Variants in FAT3 observed in about 807,000 individuals in gnomAD.
FAT3 encodes FAT atypical cadherin 3.
FAT3 carries 95 observed loss-of-function variants against 310.2 expected under a neutral mutation model. That is an observed-to-expected ratio of 0.31 (90% confidence interval 0.26 to 0.36). The LOEUF (loss-of-function observed/expected upper bound fraction) is 0.36. FAT3 is among the 10% of genes least tolerant of loss of function. The pLI, the probability that FAT3 is intolerant of heterozygous loss-of-function variation, is 1.00. For missense variants in FAT3, 5,408 were observed against 5,715.6 expected (o/e 0.95, Z 1.74); for synonymous variants, 2,314 against 2,192.9 (o/e 1.06, Z -1.54).
At chr11:92,606,461 A>G (rs548983409) in intron 3 of FAT3, among the ~76,000 whole-genome samples, 29 of 152,162 alleles carry the variant, frequency 1.9e-4, no homozygotes, top group Non-Finnish European at 3.7e-4. Context: ...CAGCTCAGGC[A>G]TGCTGGAGAG....
In FAT3 at chr11:92,799,615, T is replaced by G; in HGVS notation, c.6602T>G (p.Met2201Arg). The change falls in exon 10 of 28, where the codon ATG becomes AGG. Residue 2201 changes from methionine (M) to arginine (R), a missense_variant. Physicochemically the swap from Met to Arg is moderately conservative, Grantham distance 91. Transcript: ENST00000525166. ...YTASVNEDIRMNTPILSINAT... is the reference protein window; with the variant it reads ...YTASVNEDIRRNTPILSINAT... ...GCATCTGTCAATGAAGACATCAGAA[T>G]GAACACACCCATCCTAAGCATCAAT... 6.2e-7 allele frequency: 1 copy of G among 1,613,812 alleles called. No homozygotes were observed. The highest frequency in any genetic ancestry group is 8.5e-7 in the Non-Finnish European group (1 of 1,179,828).
Position 92,352,719 on chromosome 11 carries a change from C to T in FAT3, c.607C>T (p.Leu203Phe), listed in dbSNP as rs1038730005. The T allele has an allele frequency of 6.2e-7, 1 of 1,613,820 alleles. No individual in the cohort carries two copies. The highest frequency in any genetic ancestry group is 8.5e-7 in the Non-Finnish European group (1 of 1,179,866). Reference sequence around the variant, plus strand: ...CTACTACTTTAAAAATAAAGTTGATCTCTTTTCAGTTCACCCCACGAGTGG... The same window carrying T: ...CTACTACTTTAAAAATAAAGTTGATTTCTTTTCAGTTCACCCCACGAGTGG... ...FYYYFKNKVDLFSVHPTSGVI... is the reference protein window; with the variant it reads ...FYYYFKNKVDFFSVHPTSGVI... The change falls in exon 2 of 28, where the codon CTC (leucine) becomes TTC (phenylalanine). Residue 203 changes from leucine (L) to phenylalanine (F), a missense_variant. Physicochemically the swap from Leu to Phe is conservative, Grantham distance 22 (BLOSUM62 0). Around this residue, in one of 5 missense-constraint regions of FAT3, gnomAD observed 4,588 missense variants for 4,809.8 expected, o/e 0.95. Transcript: ENST00000525166.
chr11:92,524,927 T>C lies in FAT3; in HGVS notation c.3586T>C (p.Phe1196Leu). 6.2e-7 allele frequency: 1 copy of C among 1,613,662 alleles called. No individual in the cohort carries two copies. The highest frequency in any genetic ancestry group is 8.5e-7 in the Non-Finnish European group (1 of 1,179,696). ...RITSGNPQNF[F>L]AINIKTGLIT... Reference sequence around the variant, plus strand: ...TACAAGTGGAAATCCTCAGAATTTTTTTGCCATCAATATCAAAACAGGTAA... The same window carrying C: ...TACAAGTGGAAATCCTCAGAATTTTCTTGCCATCAATATCAAAACAGGTAA... The change falls in exon 3 of 28, where the codon TTT (phenylalanine) becomes CTT (leucine). Residue 1196 changes from phenylalanine (F) to leucine (L), a missense_variant. By Grantham distance (22) the Phe-to-Leu change is conservative. Coordinates refer to ENST00000525166, the MANE Select transcript of FAT3 (RefSeq NM_001367949.2).
Position 92,867,546 on chromosome 11 carries a change from C to T in FAT3, c.12127+337C>T, listed in dbSNP as rs545858788. ...AATGGAACCCCCTTTTAAATATGCC[C>T]TCATGAGCCACCTGCATGTCACTGC... On this transcript the variant is annotated intron_variant, in intron 22 of 27. Coordinates refer to ENST00000525166, the MANE Select transcript of FAT3 (RefSeq NM_001367949.2). 2.0e-5 allele frequency among the ~76,000 whole-genome samples: 3 copies of T among 152,262 alleles called. No individual in the cohort carries two copies. The East Asian group carries it at 5.8e-4, about 30-fold the overall frequency.
chr11:92,827,754 A>G (rs545084114), intron 13 of FAT3, among the ~76,000 whole-genome samples: 7 of 152,232 alleles, frequency 4.6e-5, no homozygotes, highest in African/African-American at 1.7e-4. Flanking sequence ...TGTATGTGCT[A>G]TTTTCTTTCT....
intron 4 of FAT3, among the ~76,000 whole-genome samples, chr11:92,746,742 A>G (rs1454601928): frequency 6.6e-6 from 1 of 152,154 alleles, no homozygotes; most frequent in Non-Finnish European, 1.5e-5. Context: ...AGGTAAATAT[A>G]CCCATTCCAA....
intron 2 of FAT3, among the ~76,000 whole-genome samples, chr11:92,412,730 T>TATATATATAC (rs1555038573): frequency 4.4e-5 from 1 of 22,886 alleles, no homozygotes. Context: ...TATATATATA[T>TATATATATAC]ATATATATAT....
chr11:92,840,489 T>C (rs1359099876), intron 17 of FAT3, 73 bp from the exon 18 acceptor site: 2 of 1,332,140 alleles, frequency 1.5e-6, no homozygotes, highest in East Asian at 5.0e-5. Flanking sequence ...TTGATTTGTT[T>C]TGTTTTGTTT....
chr11:92,705,323 G>T (rs1409994224), intron 4 of FAT3, among the ~76,000 whole-genome samples: 1 of 151,136 alleles, frequency 6.6e-6, no homozygotes, highest in African/African-American at 2.4e-5. Flanking sequence ...TGGTGGTGAT[G>T]GTGGTGGTGT....
At chr11:92,362,680 A>G (rs770891181) in intron 2 of FAT3, among the ~76,000 whole-genome samples, 2 of 152,158 alleles carry the variant, frequency 1.3e-5, no homozygotes, top group African/African-American at 4.8e-5. Flanking sequence ...TAAATAGTCT[A>G]TTTATTAAAT....
intron 3 of FAT3, among the ~76,000 whole-genome samples, chr11:92,635,413 G>C (rs1255206097): frequency 6.6e-6 from 1 of 152,102 alleles, no homozygotes; most frequent in Non-Finnish European, 1.5e-5. Flanking sequence ...TTAATCTCTA[G>C]TACAATGAAA....
intron 1 of FAT3, among the ~76,000 whole-genome samples, chr11:92,250,740 A>G (rs973083130): frequency 9.2e-5 from 14 of 152,088 alleles, no homozygotes; most frequent in Non-Finnish European, 1.5e-5. Context: ...AAAGAGAAAA[A>G]CAATTGAGGC....
chr11:92,542,277 G>A (rs144500546), intron 3 of FAT3, among the ~76,000 whole-genome samples: 2 of 152,126 alleles, frequency 1.3e-5, no homozygotes, highest in African/African-American at 2.4e-5. Flanking sequence ...ATTGGTTTGG[G>A]CAAAGAATTT....
intron 3 of FAT3, among the ~76,000 whole-genome samples, chr11:92,689,146 A>G (rs1171145992): frequency 6.6e-6 from 1 of 152,198 alleles, no homozygotes; most frequent in African/African-American, 2.4e-5. Context: ...GCCCAAGGAC[A>G]TGCAGCTGCC....
intron 6 of FAT3, chr11:92,766,551 A>C (rs528165103): frequency 6.6e-6 from 1 of 152,380 alleles, no homozygotes; most frequent in East Asian, 1.9e-4. Flanking sequence ...CTGAACTTCC[A>C]AAAAAGCAAA....
intron 1 of FAT3, among the ~76,000 whole-genome samples, chr11:92,315,036 C>T (rs1379606399): frequency 6.6e-6 from 1 of 151,844 alleles, no homozygotes. Context: ...TTAATTACAA[C>T]CTTCACGGGC....
In FAT3 at chr11:92,373,760, GCACACACA is replaced by G. The variant is rs57651290; in HGVS notation, c.3292+18399_3292+18406del. On this transcript the variant is annotated intron_variant, in intron 2 of 27. Coordinates refer to ENST00000525166, the MANE Select transcript of FAT3 (RefSeq NM_001367949.2). ...AGACAGAACCAGTGGAGATATGTAT[GCACACACA>G]CACACACACACACACACACACACAC... is the stretch of plus-strand genomic sequence containing the variant. Among the ~76,000 whole-genome samples the G allele has an allele frequency of 6.7e-3, 877 of 130,044 alleles. 11 individuals carry two copies. Among genetic ancestry groups the G allele is most frequent in the African/African-American group, 0.018 (677 of 37,116 alleles). The allele number at this position is 130,044 out of a possible 152,430, so 85.3% of individuals were successfully genotyped here.
chr11:92,331,753 A>G (rs965882037), intron 1 of FAT3, among the ~76,000 whole-genome samples: 2 of 152,222 alleles, frequency 1.3e-5, no homozygotes, highest in South Asian at 4.1e-4. Flanking sequence ...TTTCTGGCCT[A>G]TGTTCTTGAT....
In FAT3 at chr11:92,505,351, C is replaced by T. The variant is rs143958130; in HGVS notation, c.3293-19283C>T. Among the ~76,000 whole-genome samples, 175 of 152,212 alleles carry T rather than the reference C, an allele frequency of 1.1e-3. 1 individual carries two copies. Among genetic ancestry groups the T allele is most frequent in the African/African-American group, 3.8e-3 (159 of 41,538 alleles). ...TTGGGCTTCTTTGAACTTTCCTGGA[C>T]GACTAGATATTACACTTGATTCCTG... On this transcript the variant is annotated intron_variant, in intron 2 of 27. Coordinates refer to ENST00000525166, the MANE Select transcript of FAT3 (RefSeq NM_001367949.2).
Sources: allele counts gnomAD v4.1 joint callset (sites outside exome capture counted in the v4.1 genomes callset), GRCh38; gene constraint gnomAD v4.1.1; regional missense constraint gnomAD v4.1.1; transcripts MANE v1.5; gene names NCBI Gene and HGNC (gene_info 2026-07-23, HGNC 2026-07-21).